The following NF1 variants were observed in gnomAD, a reference collection of about 807,000 sequenced individuals.
NF1 encodes neurofibromin.
NF1 carries 122 observed loss-of-function variants against 325.7 expected under a neutral mutation model. The observed-to-expected ratio is 0.37, with a 90% CI of 0.32 to 0.44. The LOEUF is 0.44. Ranked by LOEUF, NF1 falls within the 20% of genes least tolerant of loss-of-function variation. The pLI is 1.00. For synonymous variants in NF1, 1,091 were observed against 1,186.0 expected, an observed-to-expected ratio of 0.92 and a Z score of 1.65; for missense variants, 2,140 against 3,415.4, an observed-to-expected ratio of 0.63 and a Z score of 9.31.
rs776156138 is a variant in NF1 at position 31,305,287 on chromosome 17, T to G, written c.4836-20533T>G. On this transcript the variant is annotated intron_variant, in intron 36 of 57. Transcript: ENST00000358273. ...GGAGGTGTTGGCTATTGGTGTTGGTTGTTTGGTGTTGTAGGCAAGTGGTTG... is the reference window on the plus strand; with the variant it reads ...GGAGGTGTTGGCTATTGGTGTTGGTGGTTTGGTGTTGTAGGCAAGTGGTTG... 3 of 1,614,050 alleles carry G rather than the reference T, an allele frequency of 1.9e-6. No individual in the cohort carries two copies. In the Admixed American group the frequency reaches 5.0e-5, roughly 27 times the overall value.
At chr17:31,158,831 G>A (rs2143643841) in intron 2 of NF1, among the ~76,000 whole-genome samples, 179 bp from the exon 3 acceptor site, 1 of 152,166 alleles carries the variant, frequency 6.6e-6, no homozygotes, top group South Asian at 2.1e-4. Flanking sequence ...GTTTGCCTTA[G>A]ACTTTAGTTT....
At chr17:31,334,198 A>G (rs1424584279) in intron 39 of NF1, among the ~76,000 whole-genome samples, 6 of 113,130 alleles carry the variant, frequency 5.3e-5, no homozygotes. Context: ...CTGAGGCAGG[A>G]GAATGGTGTG....
rs1307292517 is a variant in NF1 at position 31,323,234 on chromosome 17, C to CA, written c.4836-2580dup. 1.3e-4 allele frequency among the ~76,000 whole-genome samples: 19 copies of CA among 151,588 alleles called. 1 individual carries two copies. The highest frequency in any genetic ancestry group is 1.3e-3 in the Admixed American group (19 of 15,198). The stretch of plus-strand genomic sequence containing the variant: ...GCAGCATGGCAAAATCCTGTCTCTA[C>CA]AAAAAATACAAAAAAACAAAAACAA... On this transcript the variant is annotated intron_variant, in intron 36 of 57. Coordinates refer to ENST00000358273, the MANE Select transcript of NF1 (RefSeq NM_001042492.3).
intron 36 of NF1, among the ~76,000 whole-genome samples, chr17:31,271,036 A>G (rs1313128491): frequency 6.6e-6 from 1 of 152,240 alleles, no homozygotes; most frequent in Non-Finnish European, 1.5e-5. Flanking sequence ...TCATGGTAGC[A>G]CAACTAGTAA....
intron 5 of NF1, among the ~76,000 whole-genome samples, chr17:31,174,669 CATTT>C (rs2065987451): frequency 1.3e-5 from 2 of 152,166 alleles, no homozygotes; most frequent in Admixed American, 1.3e-4. Flanking sequence ...CCAATTCAAT[CATTT>C]ATTAGATCTG....
intron 36 of NF1, among the ~76,000 whole-genome samples, chr17:31,274,022 C>T (rs956285880): frequency 6.6e-6 from 1 of 151,980 alleles, no homozygotes; most frequent in African/African-American, 2.4e-5. Flanking sequence ...CAGTTTCTAC[C>T]CATGGTTATT....
At chr17:31,123,575 G>A (rs954028556) in intron 1 of NF1, among the ~76,000 whole-genome samples, 4 of 152,058 alleles carry the variant, frequency 2.6e-5, no homozygotes, top group African/African-American at 9.7e-5. Context: ...ATGAGCCACC[G>A]CACTGGCCAG....
intron 1 of NF1, among the ~76,000 whole-genome samples, chr17:31,143,054 C>T (rs2905793): frequency 0.56 from 85,285 of 151,796 alleles, 26,678 homozygotes; most frequent in Middle Eastern, 0.77. Flanking sequence ...TTTTACCTCC[C>T]GTTTGTTTCT....
At chr17:31,286,596 G>A (rs1195148220) in intron 36 of NF1, among the ~76,000 whole-genome samples, 1 of 152,160 alleles carries the variant, frequency 6.6e-6, no homozygotes, top group Admixed American at 6.5e-5. Context: ...CTATAAATAG[G>A]TGAAACTATT....
intron 1 of NF1, among the ~76,000 whole-genome samples, chr17:31,135,963 T>G (rs1304165418): frequency 6.6e-6 from 1 of 152,052 alleles, no homozygotes; most frequent in Non-Finnish European, 1.5e-5. Context: ...TCATTTTACT[T>G]CTGCTTGAAG....
At chr17:31,214,094 T>A (rs2066776960) in intron 12 of NF1, among the ~76,000 whole-genome samples, 1 of 152,164 alleles carries the variant, frequency 6.6e-6, no homozygotes. Flanking sequence ...GTGTGTATAT[T>A]TGTGAGAACT....
intron 57 of NF1, among the ~76,000 whole-genome samples, chr17:31,367,035 T>C (rs1038069506): frequency 2.0e-4 from 30 of 152,028 alleles, no homozygotes; most frequent in African/African-American, 6.5e-4. Context: ...TCTACAAAGT[T>C]GTAAGTTCTC....
intron 1 of NF1, among the ~76,000 whole-genome samples, chr17:31,099,796 G>C (rs143904420): frequency 1.3e-5 from 2 of 151,780 alleles, no homozygotes; most frequent in Non-Finnish European, 2.9e-5. Context: ...CCTGGCTTCA[G>C]GTGATCCACC....
At chr17:31,172,316 T>TGA (rs1215636145) in intron 5 of NF1, among the ~76,000 whole-genome samples, 1 of 151,088 alleles carries the variant, frequency 6.6e-6, no homozygotes. Flanking sequence ...GGTAACAGAG[T>TGA]GAGATCCTGT....
intron 3 of NF1, among the ~76,000 whole-genome samples, chr17:31,159,513 T>C (rs1442427198): frequency 1.3e-5 from 2 of 152,194 alleles, no homozygotes; most frequent in Non-Finnish European, 2.9e-5. Context: ...AAATGAGAAC[T>C]TAAAAATTAA....
chr17:31,150,969 A>G (rs1419933565), intron 1 of NF1, among the ~76,000 whole-genome samples: 4 of 151,700 alleles, frequency 2.6e-5, no homozygotes, highest in African/African-American at 9.7e-5. Flanking sequence ...TTGGAAGCAG[A>G]GGTTATGGTG....
At chr17:31,333,201 A>G (rs2069551419) in intron 39 of NF1, among the ~76,000 whole-genome samples, 1 of 152,126 alleles carries the variant, frequency 6.6e-6, no homozygotes, top group Admixed American at 6.5e-5. Flanking sequence ...AGTAGAGGCA[A>G]TTTTTCTAGA....
chr17:31,152,441 A>T (rs1917011422), intron 1 of NF1, among the ~76,000 whole-genome samples: 1 of 148,600 alleles, frequency 6.7e-6, no homozygotes, highest in South Asian at 2.2e-4. Context: ...TGTTATATGT[A>T]TGTTGAATCT....
chr17:31,304,829 C>T (rs755194580), intron 36 of NF1: 1 of 1,613,940 alleles, frequency 6.2e-7, no homozygotes, highest in Non-Finnish European at 8.5e-7. Flanking sequence ...GTGGATATTT[C>T]ATTTTCTCTG....
Sources: gnomAD v4.1 joint callset for allele counts (sites outside exome capture counted in the v4.1 genomes callset) on GRCh38, gnomAD v4.1.1 for gene constraint, MANE v1.5 for transcripts, NCBI Gene and HGNC (gene_info 2026-07-23, HGNC 2026-07-21) for gene names.